HNRNPR: variants seen among roughly 807,000 people sequenced by gnomAD.
HNRNPR encodes heterogeneous nuclear ribonucleoprotein R.
Under a neutral mutation model 70.3 loss-of-function variants are expected in HNRNPR, and 4 were observed. The observed-to-expected ratio is 0.06, with a 90% CI of 0.03 to 0.13. The LOEUF is 0.13. Among genes scored for constraint, HNRNPR ranks in the 10% least tolerant of loss-of-function variants. The pLI is 1.00. For synonymous variants in HNRNPR, 241 were observed against 267.6 expected, an observed-to-expected ratio of 0.90 and a Z score of 0.97; for missense variants, 423 against 788.5, an observed-to-expected ratio of 0.54 and a Z score of 5.55.
At chr1:23,333,688 C>A in intron 4 of HNRNPR, 57 bp from the exon 5 acceptor site, 1 of 985,930 alleles carries the variant, frequency 1.0e-6, no homozygotes, top group Non-Finnish European at 1.6e-6. Flanking sequence ...ACACAAGCAT[C>A]AGTGTATTAA....
rs1645253732 is a variant in HNRNPR, at chr1:23,309,292, A to C, written c.*1162T>G. The stretch of plus-strand genomic sequence containing the variant: ...TAAACCAGTAACTGAAATGGTAGTC[A>C]CGATCATTTTCACTAAAACTAAAGT... On this transcript the variant is annotated 3_prime_UTR_variant, in exon 11 of 11. Coordinates refer to ENST00000302271, the MANE Select transcript of HNRNPR (RefSeq NM_005826.5). 1 of 152,168 alleles carries C rather than the reference A, an allele frequency of 6.6e-6. No homozygotes were observed. Among genetic ancestry groups the C allele is most frequent in the South Asian group, 2.1e-4 (1 of 4,836 alleles). The allele number at this position is 152,168 out of a possible 1,614,324, so 9.4% of individuals were successfully genotyped here.
At chr1:23,336,304 G>A (rs1390181130) in intron 4 of HNRNPR, among the ~76,000 whole-genome samples, 13 of 150,714 alleles carry the variant, frequency 8.6e-5, no homozygotes, top group Middle Eastern at 3.5e-3. Flanking sequence ...GGTGGCTCAC[G>A]CCTGTAATCC....
chr1:23,305,792 T>C lies in HNRNPR; in HGVS notation c.*4662A>G, dbSNP rs917364087. 1.3e-5 allele frequency: 2 copies of C among 152,206 alleles called. No individual in the cohort carries two copies. The highest frequency in any genetic ancestry group is 4.8e-5 in the African/African-American group (2 of 41,470). The allele number at this position is 152,206 out of a possible 1,614,324, so 9.4% of individuals were successfully genotyped here. A position where few individuals can be genotyped will look rare whatever the true frequency, so the allele number is the denominator to read the frequency against. On this transcript the variant is annotated 3_prime_UTR_variant, in exon 11 of 11. Coordinates refer to ENST00000302271, the MANE Select transcript of HNRNPR (RefSeq NM_005826.5). ...AAAACACAAGTTGTTCATAGGTTTA[T>C]GTTTCTGCTATGTTCAAGGTCTTAA...
chr1:23,328,084 T>G (rs759954141), intron 5 of HNRNPR, among the ~76,000 whole-genome samples: 1 of 151,608 alleles, frequency 6.6e-6, no homozygotes. Context: ...CCATGAGATG[T>G]GAGATGGGAG....
intron 5 of HNRNPR, among the ~76,000 whole-genome samples, chr1:23,327,174 C>G (rs898210851): frequency 6.6e-6 from 1 of 152,150 alleles, no homozygotes. Flanking sequence ...TTTAAAGTAT[C>G]TGCTTGAAGT....
At chr1:23,321,737 C>G in intron 6 of HNRNPR, 74 bp from the exon 7 acceptor site, 1 of 1,490,862 alleles carries the variant, frequency 6.7e-7, no homozygotes. Context: ...CTAAAAAATT[C>G]AACAATTTAA....
chr1:23,343,483 T>C (rs1435154955), intron 1 of HNRNPR, among the ~76,000 whole-genome samples: 1 of 152,202 alleles, frequency 6.6e-6, no homozygotes, highest in Admixed American at 6.5e-5. Context: ...CCTGGGCTTT[T>C]TTAAAAATTT....
chr1:23,338,461 T>G, intron 3 of HNRNPR, 29 bp downstream of exon 3: 1 of 870,522 alleles, frequency 1.1e-6, no homozygotes, highest in Non-Finnish European at 1.8e-6. Context: ...TACTAATTGT[T>G]CAAAGACATT....
In HNRNPR at chr1:23,313,151, A is replaced by G. The variant is rs1645399974; in HGVS notation, c.1167+402T>C. On this transcript the variant is annotated intron_variant, in intron 9 of 10. Transcript: ENST00000302271. The stretch of plus-strand genomic sequence containing the variant: ...ACCCTCAAAATCTATCTACTCAATT[A>G]AACATGGTATACTGTATGAGTCATG... Among the ~76,000 whole-genome samples, 3 of 152,302 alleles carry G rather than the reference A, an allele frequency of 2.0e-5. 1 individual carries two copies. In the Middle Eastern group the frequency reaches 0.01, roughly 518 times the overall value.
rs532627976 is a variant in HNRNPR, at chr1:23,324,425, G to A, written c.499-693C>T. On this transcript the variant is annotated intron_variant, in intron 5 of 10. Transcript: ENST00000302271. The stretch of plus-strand genomic sequence containing the variant: ...CCACTAAAAATACAAAAAATTCTCC[G>A]GGCATGGTGGCAGGCGCCTGTACTC... Among the ~76,000 whole-genome samples the A allele has an allele frequency of 4.2e-3, 633 of 152,144 alleles. 4 individuals are homozygous for A. Among genetic ancestry groups the A allele is most frequent in the Non-Finnish European group, 6.0e-3 (406 of 67,984 alleles).
chr1:23,339,327 A>C (rs1646622329), intron 2 of HNRNPR, among the ~76,000 whole-genome samples: 1 of 152,258 alleles, frequency 6.6e-6, no homozygotes, highest in Non-Finnish European at 1.5e-5. Flanking sequence ...TGTGGCATTC[A>C]CATTGACTGT....
At chr1:23,327,855 T>C (rs1487651081) in intron 5 of HNRNPR, among the ~76,000 whole-genome samples, 1 of 150,062 alleles carries the variant, frequency 6.7e-6, no homozygotes, top group African/African-American at 2.4e-5. Context: ...TAAGAGAAAA[T>C]TAAGTAAAAA....
At chr1:23,332,234 T>C (rs77089385) in intron 5 of HNRNPR, among the ~76,000 whole-genome samples, 7 of 151,918 alleles carry the variant, frequency 4.6e-5, no homozygotes, top group African/African-American at 1.4e-4. Flanking sequence ...GGGGAAAGAA[T>C]TGCTTCTTTG....
intron 5 of HNRNPR, among the ~76,000 whole-genome samples, chr1:23,331,834 TAAAAAAAAAAAAAA>T (rs59006948): frequency 1.5e-3 from 89 of 59,268 alleles, no homozygotes; most frequent in Admixed American, 2.6e-3. Context: ...ACTGTTTCTT[TAAAAAAAAAAAAAA>T]AAAAAAAAAA....
chr1:23,323,545 T>C lies in HNRNPR; in HGVS notation c.675+11A>G. The C allele has an allele frequency of 6.2e-7, 1 of 1,608,216 alleles. No homozygotes were observed. Among genetic ancestry groups the C allele is most frequent in the South Asian group, 1.1e-5 (1 of 90,740 alleles). On this transcript the variant is annotated intron_variant, in intron 6 of 10. Coordinates refer to ENST00000302271, the MANE Select transcript of HNRNPR (RefSeq NM_005826.5). ...AGTGACTTGCTAAGACAGTGGATAA[T>C]TATCACATACCAGTTTCACGGCTTC...
chr1:23,337,377 A>C (rs1038088933), intron 4 of HNRNPR, among the ~76,000 whole-genome samples: 6 of 152,172 alleles, frequency 3.9e-5, no homozygotes, highest in Non-Finnish European at 8.8e-5. Flanking sequence ...TGAAACTTTC[A>C]GCTGGGCGTG....
intron 5 of HNRNPR, among the ~76,000 whole-genome samples, chr1:23,327,202 T>C (rs1008093542): frequency 6.6e-6 from 1 of 152,162 alleles, no homozygotes; most frequent in Non-Finnish European, 1.5e-5. Flanking sequence ...CGTAAATGCC[T>C]AGCCTATACA....
At chr1:23,320,264 A>G (rs1201011150) in intron 7 of HNRNPR, among the ~76,000 whole-genome samples, 1 of 152,248 alleles carries the variant, frequency 6.6e-6, no homozygotes, top group Non-Finnish European at 1.5e-5. Context: ...CCAGCAGTTG[A>G]CAACACAATA....
At chr1:23,320,327 G>C (rs745499077) in intron 7 of HNRNPR, among the ~76,000 whole-genome samples, 14 of 152,188 alleles carry the variant, frequency 9.2e-5, no homozygotes, top group Admixed American at 4.6e-4. Context: ...TGGGACGCTA[G>C]AAATCAAGAG....
Sources: allele counts gnomAD v4.1 joint callset (sites outside exome capture counted in the v4.1 genomes callset), GRCh38; gene constraint gnomAD v4.1.1; transcripts MANE v1.5; gene names NCBI Gene and HGNC (gene_info 2026-07-23, HGNC 2026-07-21).